NAV2: variants seen among roughly 807,000 people sequenced by gnomAD.
NAV2 encodes the protein neuron navigator 2.
A neutral mutation model predicts 223.2 loss-of-function variants in NAV2; 54 were observed. The observed-to-expected ratio is 0.24, with a 90% CI of 0.19 to 0.30. NAV2 has a LOEUF of 0.30. Among genes scored for constraint, NAV2 ranks in the 10% least tolerant of loss-of-function variants. NAV2 has a pLI of 1.00. For synonymous variants in NAV2, 1,279 were observed against 1,239.3 expected (o/e 1.03, Z -0.67); for missense variants, 2,806 against 3,147.5 (o/e 0.89, Z 2.60).
chr11:19,874,685 G>A (rs897959016), intron 4 of NAV2, among the ~76,000 whole-genome samples: 3 of 152,174 alleles, frequency 2.0e-5, no homozygotes, highest in Non-Finnish European at 2.9e-5. Flanking sequence ...AAACTGTGTG[G>A]CTGTCAGCAC....
At chr11:19,449,603 G>C (rs374612898) in intron 1 of NAV2, among the ~76,000 whole-genome samples, 1 of 146,352 alleles carries the variant, frequency 6.8e-6, no homozygotes, top group East Asian at 2.0e-4. Flanking sequence ...AAGAATTCAG[G>C]GTGTGTGTGT....
intron 1 of NAV2, among the ~76,000 whole-genome samples, chr11:19,478,805 TC>T (rs1254441182): frequency 6.6e-6 from 1 of 152,196 alleles, no homozygotes; most frequent in Non-Finnish European, 1.5e-5. Context: ...CCAAGGCAAG[TC>T]CCCTTCACTT....
intron 2 of NAV2, among the ~76,000 whole-genome samples, chr11:19,833,759 C>G (rs1244408361): frequency 2.0e-5 from 3 of 152,160 alleles, no homozygotes; most frequent in Non-Finnish European, 2.9e-5. Context: ...GGAGGCTTAA[C>G]TGGGGAAGGG....
At chr11:20,001,302 A>AT (rs2052520902) in intron 11 of NAV2, among the ~76,000 whole-genome samples, 1 of 152,132 alleles carries the variant, frequency 6.6e-6, no homozygotes, top group African/African-American at 2.4e-5. Flanking sequence ...ACCCCGTGCT[A>AT]TCCTTTATTT....
chr11:19,457,379 C>G lies in NAV2; in HGVS notation c.75+106352C>G, dbSNP rs1241304942. Among the ~76,000 whole-genome samples the G allele has an allele frequency of 2.0e-5, 3 of 151,926 alleles. No homozygotes were observed. The East Asian group carries it at 5.8e-4, about 29-fold the overall frequency. ...AGCCAGTTGTGTGAAGACCTCGGGACCTGAATGTAACGCAGAGGGGACAGC... is the reference window on the plus strand; with the variant it reads ...AGCCAGTTGTGTGAAGACCTCGGGAGCTGAATGTAACGCAGAGGGGACAGC... On this transcript the variant is annotated intron_variant, in intron 1 of 37. Transcript: ENST00000360655.
intron 1 of NAV2, among the ~76,000 whole-genome samples, chr11:19,455,963 C>A: frequency 6.6e-6 from 1 of 152,220 alleles, no homozygotes; most frequent in East Asian, 1.9e-4. Context: ...GTGGCTAAAG[C>A]CTGACCGTGC....
rs1848867128 is a variant in NAV2, at chr11:19,382,240, G to A, written c.75+31213G>A. Among the ~76,000 whole-genome samples the A allele has an allele frequency of 2.6e-5, 4 of 152,236 alleles. 1 individual carries two copies. The highest frequency in any genetic ancestry group is 2.6e-4 in the Admixed American group (4 of 15,286). ...TGTGCTGCAACACCATGTTCCCAGTGTACAATGGGACAGGAGGTGAGCGTG... is the reference window on the plus strand; with the variant it reads ...TGTGCTGCAACACCATGTTCCCAGTATACAATGGGACAGGAGGTGAGCGTG... On this transcript the variant is annotated intron_variant, in intron 1 of 37. Transcript: ENST00000360655.
chr11:19,618,350 ATTGC>A (rs1223085774), intron 1 of NAV2, among the ~76,000 whole-genome samples: 2 of 146,920 alleles, frequency 1.4e-5, no homozygotes, highest in South Asian at 2.2e-4. Flanking sequence ...TGCTTGATGG[ATTGC>A]TGGATGGATG....
At chr11:19,907,778 C>T (rs746504107) in intron 6 of NAV2, among the ~76,000 whole-genome samples, 4 of 152,194 alleles carry the variant, frequency 2.6e-5, no homozygotes, top group Non-Finnish European at 5.9e-5. Context: ...GATCAAAGGT[C>T]TTTTCTCTGA....
At chr11:19,537,262 A>G (rs1275759902) in intron 1 of NAV2, among the ~76,000 whole-genome samples, 1 of 149,302 alleles carries the variant, frequency 6.7e-6, no homozygotes, top group Non-Finnish European at 1.5e-5. Context: ...GGTCAATAAC[A>G]ACAACTAATA....
chr11:19,540,548 G>A (rs912046323), intron 1 of NAV2, among the ~76,000 whole-genome samples: 1 of 152,134 alleles, frequency 6.6e-6, no homozygotes, highest in African/African-American at 2.4e-5. Context: ...GCAGAACCCA[G>A]ATTTAACCCT....
chr11:20,118,585 GAGA>G lies in NAV2; in HGVS notation c.*329_*331del, dbSNP rs1261983923. 4 of 89,016 alleles carry G rather than the reference GAGA, an allele frequency of 4.5e-5. No homozygotes were observed. Among genetic ancestry groups the G allele is most frequent in the Middle Eastern group, 4.2e-3 (1 of 238 alleles). The allele number at this position is 89,016 out of a possible 1,614,324, so 5.5% of individuals were successfully genotyped here. ...CCGTTGAAATGAAAAGAGAGACAGA[GAGA>G]AAAAAAAAAAGAGAACCCACATGAA... On this transcript the variant is annotated 3_prime_UTR_variant, in exon 38 of 38. Coordinates refer to ENST00000349880, the MANE Select transcript of NAV2 (RefSeq NM_145117.5).
chr11:19,463,243 G>A (rs768217267), intron 1 of NAV2, among the ~76,000 whole-genome samples: 1 of 152,256 alleles, frequency 6.6e-6, no homozygotes, highest in Non-Finnish European at 1.5e-5. Context: ...TAGAGATCAT[G>A]TTCTTCATCC....
chr11:19,355,867 G>A (rs10833099), intron 1 of NAV2, among the ~76,000 whole-genome samples: 84,047 of 152,060 alleles, frequency 0.55, 24,353 homozygotes, highest in South Asian at 0.75. Context: ...CTACATTAGA[G>A]GGATTTTCCT....
At chr11:20,003,103 A>C (rs1365858405) in intron 11 of NAV2, among the ~76,000 whole-genome samples, 1 of 152,184 alleles carries the variant, frequency 6.6e-6, no homozygotes, top group Non-Finnish European at 1.5e-5. Context: ...CAGAAAACAA[A>C]CGCAGACCTT....
intron 4 of NAV2, 147 bp from the exon 5 acceptor site, chr11:19,879,722 C>T (rs1030159503): frequency 1.1e-6 from 1 of 924,098 alleles, no homozygotes; most frequent in Non-Finnish European, 1.7e-6. Context: ...GTGGTATAGG[C>T]CTGATTTTAA....
At chr11:20,055,689 C>T in intron 18 of NAV2, 80 bp from the exon 19 acceptor site, 1 of 1,259,752 alleles carries the variant, frequency 7.9e-7, no homozygotes, top group Non-Finnish European at 1.1e-6. Flanking sequence ...TAAAAATAAG[C>T]AGTCTTCTCT....
At position 19,933,547 on chromosome 11, in the gene NAV2, A is replaced by G; in HGVS notation, c.1303A>G (p.Ser435Gly). The G allele has an allele frequency of 1.9e-6, 3 of 1,608,530 alleles. No individual in the cohort carries two copies. Among genetic ancestry groups the G allele is most frequent in the South Asian group, 1.1e-5 (1 of 90,634 alleles). ...CTGTGAGCGGCTGGAGACTCTGCCC[A>G]GCTTCGAAGAGAGCGAGGAGCTGGA... ...TSCERLETLPSFEESEELEAA... is the reference protein window; with the variant it reads ...TSCERLETLPGFEESEELEAA... Residue 435 changes from serine to glycine, a missense_variant, in exon 7 of 38, where the codon AGC becomes GGC. Around this residue, in one of 4 missense-constraint regions of NAV2, gnomAD observed 1,167 missense variants for 1,180.5 expected, o/e 0.99. Transcript: ENST00000349880. This position sits in a 1 kb window ranked among gnomAD's most constrained non-coding sequence, Gnocchi z 4.3.
chr11:19,864,856 C>T (rs1275041287), intron 3 of NAV2, among the ~76,000 whole-genome samples: 2 of 152,190 alleles, frequency 1.3e-5, no homozygotes, highest in African/African-American at 4.8e-5. Context: ...CCATCCTTCA[C>T]TCAACACCTC....
Sources: allele counts gnomAD v4.1 joint callset (sites outside exome capture counted in the v4.1 genomes callset), GRCh38; gene constraint gnomAD v4.1.1; regional missense constraint gnomAD v4.1.1; non-coding constraint Gnocchi (gnomAD v3.1); transcripts MANE v1.5; gene names NCBI Gene and HGNC (gene_info 2026-07-23, HGNC 2026-07-21).